STAG2: variants seen among roughly 807,000 people sequenced by gnomAD.
STAG2 encodes STAG2 cohesin complex component, also known as cohesin subunit SA-2.
A neutral mutation model predicts 108.1 loss-of-function variants in STAG2; 14 were observed. The ratio of observed to expected loss-of-function variants is 0.13; its 90% CI spans 0.09 to 0.20. The LOEUF (loss-of-function observed/expected upper bound fraction) is 0.20, where lower values mean the gene tolerates loss of function less well. Among genes scored for constraint, STAG2 ranks in the 10% least tolerant of loss-of-function variants. STAG2 has a pLI of 1.00. For missense variants in STAG2, 440 were observed against 940.9 expected (o/e 0.47, Z 6.96); for synonymous variants, 307 against 302.7 (o/e 1.01, Z -0.15).
chrX:124,028,823 T>TATATATATATATA (rs1491294090), intron 4 of STAG2, among the ~76,000 whole-genome samples: 1 of 50,599 alleles, frequency 2.0e-5, no homozygotes, highest in African/African-American at 7.7e-5. Flanking sequence ...TATATATATA[T>TATATATATATATA]TTTTTTTTTT....
At position 124,029,653 on chromosome X, in the gene STAG2, A is replaced by G. The variant is rs904832197; in HGVS notation, c.124-1308A>G. On this transcript the variant is annotated intron_variant, in intron 4 of 34. Coordinates refer to ENST00000371145, the MANE Select transcript of STAG2 (RefSeq NM_001042750.2). ...TAGTTTTAAAAATAAAGAATGTGCTACAGAGACTGTATGTGGCCCACAAAG... is the reference window on the plus strand; with the variant it reads ...TAGTTTTAAAAATAAAGAATGTGCTGCAGAGACTGTATGTGGCCCACAAAG... Among the ~76,000 whole-genome samples the G allele has an allele frequency of 4.6e-4, 52 of 112,425 alleles. 1 individual carries two copies. Among genetic ancestry groups the G allele is most frequent in the Non-Finnish European group, 2.3e-4 (12 of 53,321 alleles).
chrX:124,097,179 CAA>C (rs56942682), intron 34 of STAG2, among the ~76,000 whole-genome samples: 1 of 38,206 alleles, frequency 2.6e-5, no homozygotes, highest in Non-Finnish European at 4.1e-5. Context: ...GACCCTGTCT[CAA>C]AAAAAAAAAA....
rs901232741 is a variant in STAG2 at position 124,085,180 on chromosome X, T to C, written c.3054-1367T>C. Among the ~76,000 whole-genome samples the C allele has an allele frequency of 1.8e-4, 20 of 111,907 alleles. No homozygotes were observed. The Admixed American group carries it at 1.9e-3, about 11-fold the overall frequency. Reference sequence around the variant, plus strand: ...GAGTACAAACAGCAAAGTACAAAACTGTACTATGATGTTTACAGACAACTA... The same window carrying C: ...GAGTACAAACAGCAAAGTACAAAACCGTACTATGATGTTTACAGACAACTA... On this transcript the variant is annotated intron_variant, in intron 29 of 34. Transcript: ENST00000371145.
At position 124,097,104 on chromosome X, in the gene STAG2, A is replaced by T. The variant is rs76945182; in HGVS notation, c.3783+1655A>T. Among the ~76,000 whole-genome samples, 23 of 96,934 alleles carry T rather than the reference A, an allele frequency of 2.4e-4. No individual in the cohort carries two copies. In the East Asian group the frequency reaches 7.4e-3, roughly 31 times the overall value. 84.2% of individuals were successfully genotyped at this position (96,934 alleles called of 115,157 possible). A position where few individuals can be genotyped will look rare whatever the true frequency, so the allele number is the denominator to read the frequency against. On this transcript the variant is annotated intron_variant, in intron 34 of 34. Transcript: ENST00000371145. ...CGAGGTGGGAGGATTGCTTGAGCCC[A>T]GGAGGTTGAGGCTGCAGTGAGCTGT...
chrX:124,039,358 G>A (rs1444027922), intron 6 of STAG2, among the ~76,000 whole-genome samples: 2 of 109,152 alleles, frequency 1.8e-5, no homozygotes, highest in African/African-American at 6.7e-5. Context: ...GTGGACATGG[G>A]GTTTTGCCAT....
chrX:124,048,015 A>G (rs1476417648), intron 9 of STAG2, among the ~76,000 whole-genome samples: 1 of 112,280 alleles, frequency 8.9e-6, no homozygotes, highest in African/African-American at 3.2e-5. Flanking sequence ...AAATCTTTTG[A>G]TGCTGCGGCT....
At chrX:124,049,964 T>C (rs1045293619) in intron 10 of STAG2, among the ~76,000 whole-genome samples, 1 of 111,994 alleles carries the variant, frequency 8.9e-6, no homozygotes, top group African/African-American at 3.2e-5. Context: ...GGATTTTGTT[T>C]GTAGTTTTAT....
intron 24 of STAG2, among the ~76,000 whole-genome samples, chrX:124,069,182 C>T (rs950825121): frequency 1.8e-5 from 2 of 112,035 alleles, no homozygotes; most frequent in Admixed American, 1.9e-4. Context: ...TTTCAGTTCT[C>T]GAAATAGACT....
intron 17 of STAG2, among the ~76,000 whole-genome samples, chrX:124,062,578 T>TTA (rs372402844): frequency 1.5e-3 from 172 of 112,306 alleles, no homozygotes; most frequent in African/African-American, 5.3e-3. Flanking sequence ...TCCCAGTATT[T>TTA]TATATATAAG....
At chrX:124,013,696 A>AT (rs932398954) in intron 1 of STAG2, among the ~76,000 whole-genome samples, 3 of 108,275 alleles carry the variant, frequency 2.8e-5, no homozygotes, top group African/African-American at 1.0e-4. Context: ...AGAGGACAAT[A>AT]TTGCGGCATT....
At chrX:124,009,797 T>C (rs1033128594) in intron 1 of STAG2, among the ~76,000 whole-genome samples, 1 of 112,025 alleles carries the variant, frequency 8.9e-6, no homozygotes, top group Admixed American at 9.5e-5. Context: ...GCAACTTAAA[T>C]GTAAGGTTAG....
At chrX:124,078,465 T>C (rs933265194) in intron 27 of STAG2, among the ~76,000 whole-genome samples, 1 of 111,937 alleles carries the variant, frequency 8.9e-6, no homozygotes, top group Admixed American at 9.5e-5. Flanking sequence ...ATTAGATAAA[T>C]TTACTGTATA....
Position 123,983,974 on chromosome X carries a change from C to CTTTTTTTT in STAG2, c.-163+22132_-163+22139dup, listed in dbSNP as rs199881082. Reference sequence around the variant, plus strand: ...AAAAAGAATAATTTTCTTTTCTTTTCTTTTTTTTTTTTTTTTTTTTTGAGA... The same window carrying CTTTTTTTT: ...AAAAAGAATAATTTTCTTTTCTTTTCTTTTTTTTTTTTTTTTTTTTTTTTTTTTTGAGA... On this transcript the variant is annotated intron_variant, in intron 1 of 34. Transcript: ENST00000371145. Among the ~76,000 whole-genome samples, 119 of 61,429 alleles carry CTTTTTTTT rather than the reference C, an allele frequency of 1.9e-3. 8 individuals carry two copies. Among genetic ancestry groups the CTTTTTTTT allele is most frequent in the African/African-American group, 1.0e-2 (109 of 10,940 alleles). 53.3% of individuals were successfully genotyped at this position (61,429 alleles called of 115,157 possible). A position where few individuals can be genotyped will look rare whatever the true frequency, so the allele number is the denominator to read the frequency against.
chrX:124,018,422 A>G (rs1340492394), intron 1 of STAG2, among the ~76,000 whole-genome samples: 2 of 109,538 alleles, frequency 1.8e-5, no homozygotes, highest in Admixed American at 9.9e-5. Flanking sequence ...GAATTTGTTA[A>G]TGTAAGTCTG....
In STAG2 at chrX:124,048,073, A is replaced by G. The variant is rs180936737; in HGVS notation, c.819+568A>G. Among the ~76,000 whole-genome samples, 30 of 112,127 alleles carry G rather than the reference A, an allele frequency of 2.7e-4. 1 individual carries two copies. In the Admixed American group the frequency reaches 2.8e-3, roughly 11 times the overall value. On this transcript the variant is annotated intron_variant, in intron 9 of 34. Coordinates refer to ENST00000371145, the MANE Select transcript of STAG2 (RefSeq NM_001042750.2). ...TGGTGATAAAATATTTTGCTATCTC[A>G]TAATGGAGATGTTTGTTTTCATATC...
At chrX:123,974,180 C>T (rs913822932) in intron 1 of STAG2, among the ~76,000 whole-genome samples, 2 of 110,408 alleles carry the variant, frequency 1.8e-5, no homozygotes, top group Non-Finnish European at 3.8e-5. Context: ...CAGTCTTTGG[C>T]AGTTGTTAAT....
intron 1 of STAG2, among the ~76,000 whole-genome samples, chrX:123,984,933 G>A (rs1298637971): frequency 8.9e-6 from 1 of 111,774 alleles, no homozygotes; most frequent in Non-Finnish European, 1.9e-5. Flanking sequence ...ACAAGCCACC[G>A]TGCCCAGCTT....
At chrX:124,058,250 C>T in intron 15 of STAG2, among the ~76,000 whole-genome samples, 1 of 107,796 alleles carries the variant, frequency 9.3e-6, no homozygotes, top group East Asian at 2.9e-4. Context: ...CTCTGCCTCC[C>T]AGGTTCAAGC....
chrX:124,057,140 A>G (rs1395745014), intron 14 of STAG2, among the ~76,000 whole-genome samples: 1 of 112,280 alleles, frequency 8.9e-6, no homozygotes, highest in African/African-American at 3.2e-5. Context: ...CAAGAATTCT[A>G]CAGTCTCTTT....
Sources: allele counts gnomAD v4.1 joint callset (sites outside exome capture counted in the v4.1 genomes callset), GRCh38; gene constraint gnomAD v4.1.1; transcripts MANE v1.5; gene names NCBI Gene and HGNC (gene_info 2026-07-23, HGNC 2026-07-21).